The following TAFA1 variants were observed in gnomAD, a reference collection of about 807,000 sequenced individuals.
TAFA1 encodes the protein chemokine-like protein TAFA-1.
TAFA1 carries 4 observed loss-of-function variants against 18.5 expected under a neutral mutation model. That is an observed-to-expected ratio of 0.22 (90% confidence interval 0.11 to 0.49). The LOEUF is 0.49. Among genes scored for constraint, TAFA1 ranks in the 20% least tolerant of loss-of-function variants. The pLI is 0.98. For missense variants in TAFA1, 147 were observed against 169.0 expected, an observed-to-expected ratio of 0.87 and a Z score of 0.72; for synonymous variants, 56 against 55.2, an observed-to-expected ratio of 1.01 and a Z score of -0.06.
At chr3:68,331,856 C>CTTTTCTT (rs2068878464) in intron 2 of TAFA1, among the ~76,000 whole-genome samples, 1 of 76,198 alleles carries the variant, frequency 1.3e-5, no homozygotes, top group Non-Finnish European at 2.3e-5. Flanking sequence ...CTTTTCTTTT[C>CTTTTCTT]TTTTTTTTTT....
chr3:68,014,363 C>A (rs1000368809), intron 2 of TAFA1, among the ~76,000 whole-genome samples: 3 of 152,072 alleles, frequency 2.0e-5, no homozygotes, highest in African/African-American at 7.2e-5. Flanking sequence ...TAGCTTTAGC[C>A]GAGTGAGAAC....
intron 2 of TAFA1, among the ~76,000 whole-genome samples, chr3:68,292,880 C>T (rs532850045): frequency 4.6e-5 from 7 of 152,010 alleles, no homozygotes; most frequent in Admixed American, 2.6e-4. Flanking sequence ...ACTAGAAAAA[C>T]AAACAAACAA....
intron 2 of TAFA1, among the ~76,000 whole-genome samples, chr3:68,210,069 G>C (rs756544125): frequency 6.6e-6 from 1 of 151,970 alleles, no homozygotes; most frequent in Non-Finnish European, 1.5e-5. Context: ...GAGAGAAAGA[G>C]AAAAGGAGAA....
rs534446041 is a variant in TAFA1 at position 68,389,802 on chromosome 3, T to A, written c.119-27478T>A. On this transcript the variant is annotated intron_variant, in intron 2 of 4. Transcript: ENST00000478136. ...CTAGCCGAGGGAAGCAATGAGGGAC[T>A]GTGCTGTGCGGGATGGTGCTATCCG... 2.0e-5 allele frequency among the ~76,000 whole-genome samples: 3 copies of A among 152,152 alleles called. No individual in the cohort carries two copies. In the East Asian group the frequency reaches 5.8e-4, roughly 29 times the overall value.
intron 2 of TAFA1, among the ~76,000 whole-genome samples, chr3:68,031,332 G>T (rs1050724293): frequency 6.6e-6 from 1 of 152,136 alleles, no homozygotes; most frequent in South Asian, 2.1e-4. Flanking sequence ...TCCCATCTGG[G>T]TTCTTATTTC....
chr3:68,241,313 G>T (rs1360304323), intron 2 of TAFA1, among the ~76,000 whole-genome samples: 1 of 152,114 alleles, frequency 6.6e-6, no homozygotes, highest in East Asian at 1.9e-4. Context: ...TGCAGCATTT[G>T]CTTGGTGATG....
chr3:68,410,234 A>G (rs1460343178), intron 2 of TAFA1, among the ~76,000 whole-genome samples: 3 of 152,250 alleles, frequency 2.0e-5, no homozygotes, highest in Middle Eastern at 6.8e-3. Context: ...AGCAGTTGGG[A>G]AACTAGAGAG....
intron 2 of TAFA1, among the ~76,000 whole-genome samples, chr3:68,308,775 T>C (rs2068465814): frequency 6.6e-6 from 1 of 152,054 alleles, no homozygotes; most frequent in Non-Finnish European, 1.5e-5. Flanking sequence ...AAGTGGTGAA[T>C]AGCTTGTCCC....
intron 3 of TAFA1, among the ~76,000 whole-genome samples, chr3:68,534,099 T>C (rs1454227442): frequency 1.3e-5 from 2 of 152,110 alleles, no homozygotes; most frequent in Non-Finnish European, 2.9e-5. Context: ...CAAATCTGTC[T>C]CTAGTGGAGA....
intron 2 of TAFA1, among the ~76,000 whole-genome samples, chr3:68,154,148 A>G (rs1291986950): frequency 3.9e-5 from 6 of 152,158 alleles, no homozygotes; most frequent in Non-Finnish European, 7.4e-5. Context: ...GGATCTGTCC[A>G]TCTCTTTTTG....
chr3:68,477,380 A>C (rs1412117487), intron 3 of TAFA1, among the ~76,000 whole-genome samples: 1 of 152,078 alleles, frequency 6.6e-6, no homozygotes, highest in East Asian at 1.9e-4. Context: ...TTTTAAAAAA[A>C]AATTCTTTTT....
At chr3:68,136,171 C>A (rs1227489221) in intron 2 of TAFA1, among the ~76,000 whole-genome samples, 1 of 152,112 alleles carries the variant, frequency 6.6e-6, no homozygotes, top group African/African-American at 2.4e-5. Flanking sequence ...CAAACTAAGG[C>A]AACACATGAT....
chr3:68,316,545 C>T (rs963688448), intron 2 of TAFA1, among the ~76,000 whole-genome samples: 1 of 152,120 alleles, frequency 6.6e-6, no homozygotes, highest in Non-Finnish European at 1.5e-5. Context: ...TTTTTCTTGG[C>T]ATCTCCTTTC....
chr3:68,118,647 T>C (rs1575626239), intron 2 of TAFA1, among the ~76,000 whole-genome samples: 1 of 152,244 alleles, frequency 6.6e-6, no homozygotes. Context: ...TGTGACTGAC[T>C]TATTTCACGT....
At chr3:68,301,146 C>T (rs2106643446) in intron 2 of TAFA1, among the ~76,000 whole-genome samples, 1 of 152,206 alleles carries the variant, frequency 6.6e-6, no homozygotes, top group African/African-American at 2.4e-5. Flanking sequence ...ATCCTAACCC[C>T]ACCCCCAATT....
At chr3:68,337,464 C>T (rs748280765) in intron 2 of TAFA1, among the ~76,000 whole-genome samples, 8 of 152,080 alleles carry the variant, frequency 5.3e-5, no homozygotes, top group Non-Finnish European at 8.8e-5. Context: ...GAGATTTGGG[C>T]AAGGACACAA....
chr3:68,012,653 A>G (rs904539600), intron 2 of TAFA1, among the ~76,000 whole-genome samples: 2 of 152,168 alleles, frequency 1.3e-5, no homozygotes, highest in African/African-American at 4.8e-5. Flanking sequence ...TATTTTTTGG[A>G]TTCATTTTTG....
chr3:68,095,239 G>A (rs2065074710), intron 2 of TAFA1, among the ~76,000 whole-genome samples: 1 of 152,148 alleles, frequency 6.6e-6, no homozygotes, highest in African/African-American at 2.4e-5. Context: ...GACATCCCAT[G>A]AGATGCAATC....
At chr3:68,015,865 A>T (rs1469844520) in intron 2 of TAFA1, among the ~76,000 whole-genome samples, 2 of 152,184 alleles carry the variant, frequency 1.3e-5, no homozygotes, top group African/African-American at 4.8e-5. Context: ...TTTTGCTATA[A>T]ATTACATGTT....
Sources: allele counts gnomAD v4.1 joint callset (sites outside exome capture counted in the v4.1 genomes callset), GRCh38; gene constraint gnomAD v4.1.1; transcripts MANE v1.5; gene names NCBI Gene and HGNC (gene_info 2026-07-23, HGNC 2026-07-21).